The following SYNE2 variants were observed in gnomAD, a reference collection of about 807,000 sequenced individuals.
SYNE2 encodes the protein spectrin repeat containing nuclear envelope protein 2, also known as nesprin-2.
Under a neutral mutation model 856.3 loss-of-function variants are expected in SYNE2, and 431 were observed. That is an observed-to-expected ratio of 0.50 (90% CI 0.47 to 0.55). SYNE2 has a LOEUF of 0.55. Ranked by LOEUF, SYNE2 falls within the 20% of genes least tolerant of loss-of-function variation. The pLI, the probability that SYNE2 is intolerant of heterozygous loss-of-function variation, is 0.00. For missense variants in SYNE2, 8,129 were observed against 8,023.2 expected, an observed-to-expected ratio of 1.01 and a Z score of -0.50; for synonymous variants, 2,923 against 2,872.3, an observed-to-expected ratio of 1.02 and a Z score of -0.56.
chr14:64,146,806 C>T (rs1396776507), intron 84 of SYNE2, among the ~76,000 whole-genome samples: 3 of 152,256 alleles, frequency 2.0e-5, no homozygotes, highest in African/African-American at 7.2e-5. Flanking sequence ...CAGAGGACCT[C>T]TGCCATCGCC....
At chr14:63,837,302 G>A (rs1352567955) in intron 1 of SYNE2, among the ~76,000 whole-genome samples, 1 of 152,156 alleles carries the variant, frequency 6.6e-6, no homozygotes, top group Non-Finnish European at 1.5e-5. Context: ...ACTGAAAGTG[G>A]ATCATTGACC....
rs1595723089 is a variant in SYNE2, at chr14:64,130,307, T to C, written c.14340+59T>C. On this transcript the variant is annotated intron_variant, in intron 76 of 115. Coordinates refer to ENST00000555002, the MANE Select transcript of SYNE2 (RefSeq NM_182914.3). ...ATAGACTAAAATCTTAAGGTATTTC[T>C]GAATGTGAACAGAAAGGATCCATTT... 8 of 1,409,716 alleles carry C rather than the reference T, an allele frequency of 5.7e-6. No homozygotes were observed. The East Asian group carries it at 1.7e-4, about 30-fold the overall frequency. 87.3% of individuals were successfully genotyped at this position (1,409,716 alleles called of 1,614,324 possible). A position where few individuals can be genotyped will look rare whatever the true frequency, so the allele number is the denominator to read the frequency against.
At chr14:64,100,547 T>G (rs76379916) in intron 63 of SYNE2, among the ~76,000 whole-genome samples, 1 of 85,606 alleles carries the variant, frequency 1.2e-5, no homozygotes, top group Non-Finnish European at 2.1e-5. Context: ...TATATATATA[T>G]ATATATATAT....
At chr14:64,031,857 GAAGA>G (rs2097039059) in intron 45 of SYNE2, among the ~76,000 whole-genome samples, 1 of 152,222 alleles carries the variant, frequency 6.6e-6, no homozygotes, top group Non-Finnish European at 1.5e-5. Context: ...TCCCTAGGGA[GAAGA>G]AAGAAGAATG....
chr14:64,130,371 T>C (rs1482031649), intron 76 of SYNE2, 123 bp downstream of exon 76: 1 of 918,622 alleles, frequency 1.1e-6, no homozygotes, highest in African/African-American at 1.6e-5. Flanking sequence ...ATTCTTTTAA[T>C]AAACATCTAT....
chr14:64,087,459 A>T, intron 57 of SYNE2: 1 of 719,478 alleles, frequency 1.4e-6, no homozygotes, highest in Non-Finnish European at 2.6e-6. Flanking sequence ...CCAAATATTT[A>T]TGTTTCTTAT....
intron 1 of SYNE2, among the ~76,000 whole-genome samples, chr14:63,773,139 A>T (rs1415048317): frequency 1.3e-5 from 2 of 149,670 alleles, no homozygotes; most frequent in Non-Finnish European, 3.0e-5. Context: ...CATATAATAA[A>T]TTTTACTGTT....
At chr14:64,145,205 G>C (rs1379730493) in intron 83 of SYNE2, among the ~76,000 whole-genome samples, 1 of 151,542 alleles carries the variant, frequency 6.6e-6, no homozygotes, top group African/African-American at 2.4e-5. Flanking sequence ...GGGATTACAG[G>C]TAAGAGCCAC....
At chr14:63,823,574 A>G (rs1218666241) in intron 1 of SYNE2, among the ~76,000 whole-genome samples, 2 of 152,050 alleles carry the variant, frequency 1.3e-5, no homozygotes, top group Non-Finnish European at 2.9e-5. Context: ...ATTCTTTGCC[A>G]GTATTATACT....
intron 103 of SYNE2, among the ~76,000 whole-genome samples, chr14:64,210,952 T>C (rs1442979182): frequency 6.6e-6 from 1 of 152,086 alleles, no homozygotes; most frequent in South Asian, 2.1e-4. Context: ...TCTCTCTCCT[T>C]TCCTGTCTCT....
At chr14:64,100,525 A>AT (rs2097714264) in intron 63 of SYNE2, among the ~76,000 whole-genome samples, 5 of 70,110 alleles carry the variant, frequency 7.1e-5, no homozygotes, top group Admixed American at 1.7e-4. Context: ...AAAAAAAAAA[A>AT]AAAAAAATAT....
intron 65 of SYNE2, chr14:64,113,003 G>A (rs568247874): frequency 2.0e-6 from 2 of 985,232 alleles, no homozygotes; most frequent in Non-Finnish European, 2.4e-6. Flanking sequence ...CTAAACACTG[G>A]CCAATTCCCT....
chr14:64,037,166 G>T (rs1326380027), intron 45 of SYNE2, among the ~76,000 whole-genome samples: 1 of 151,298 alleles, frequency 6.6e-6, no homozygotes, highest in Non-Finnish European at 1.5e-5. Context: ...TCATTCTTGG[G>T]TGTTTCTCGC....
chr14:64,145,925 T>C (rs2098181820), intron 83 of SYNE2, 143 bp from the exon 84 acceptor site: 2 of 545,806 alleles, frequency 3.7e-6, no homozygotes, highest in Admixed American at 7.8e-5. Flanking sequence ...TGAATCTTTA[T>C]TCAAAAGTTA....
In SYNE2 at chr14:64,053,436, C is replaced by G; in HGVS notation, c.9523C>G (p.Pro3175Ala). The G allele has an allele frequency of 6.2e-7, 1 of 1,613,424 alleles. No individual in the cohort carries two copies. The change falls in exon 48 of 116, where the codon CCA becomes GCA. Residue 3175 changes from proline (P) to alanine (A), a missense_variant. Pro to Ala is a conservative substitution (Grantham distance 27, BLOSUM62 -1). Transcript: ENST00000555002. ...LNQIKSQLQQ[P>A]LLINLEIKHI... Reference sequence around the variant, plus strand: ...TCAGATAAAATCTCAATTACAGCAGCCATTACTTATAAATTTGGAAATTAA... The same window carrying G: ...TCAGATAAAATCTCAATTACAGCAGGCATTACTTATAAATTTGGAAATTAA...
rs1215440917 is a variant in SYNE2 at position 63,997,155 on chromosome 14, AC to A, written c.3150del (p.Asn1050LysfsTer38). ...LQPTAGGTSK[N>X]EGTITTSENR... The stretch of plus-strand genomic sequence containing the variant: ...CCCACAGCGGGAGGCACGTCGAAAA[AC>A]GAGTTAGTACTTCATAAGAATAGCT... On this transcript the variant is annotated frameshift_variant and splice_region_variant, in exon 24 of 116. Transcript: ENST00000555002. LOFTEE classifies it high-confidence loss of function. The A allele has an allele frequency of 6.2e-7, 1 of 1,613,404 alleles. No individual in the cohort carries two copies. Among genetic ancestry groups the A allele is most frequent in the Admixed American group, 1.7e-5 (1 of 59,954 alleles).
chr14:63,936,785 T>C (rs1320722175), intron 2 of SYNE2, among the ~76,000 whole-genome samples: 1 of 152,106 alleles, frequency 6.6e-6, no homozygotes, highest in East Asian at 1.9e-4. Context: ...GCATAGTATT[T>C]TGGGGCAAAG....
intron 98 of SYNE2, among the ~76,000 whole-genome samples, chr14:64,189,276 G>A (rs2098506590): frequency 6.6e-6 from 1 of 151,924 alleles, no homozygotes; most frequent in African/African-American, 2.4e-5. Context: ...GGAGGTTGCA[G>A]TGAGCCGAGA....
Position 64,107,482 on chromosome 14 carries a change from T to C in SYNE2, c.12493-9T>C. Reference sequence around the variant, plus strand: ...ACCCTTTCTGGAGCTCTGATTCTTTTCTTTACAGGAAGCATATGGGAAAAT... The same window carrying C: ...ACCCTTTCTGGAGCTCTGATTCTTTCCTTTACAGGAAGCATATGGGAAAAT... On this transcript the variant is annotated splice_polypyrimidine_tract_variant and intron_variant, in intron 64 of 115. Transcript: ENST00000555002. 6.2e-7 allele frequency: 1 copy of C among 1,611,836 alleles called. No homozygotes were observed. Among genetic ancestry groups the C allele is most frequent in the Non-Finnish European group, 8.5e-7 (1 of 1,177,900 alleles).
Sources: gnomAD v4.1 joint callset for allele counts (sites outside exome capture counted in the v4.1 genomes callset) on GRCh38, gnomAD v4.1.1 for gene constraint, MANE v1.5 for transcripts, NCBI Gene and HGNC (gene_info 2026-07-23, HGNC 2026-07-21) for gene names.